ADAMTSL1: variants seen among roughly 807,000 people sequenced by gnomAD.
ADAMTSL1 encodes the protein ADAMTS like 1.
ADAMTSL1 carries 126 observed loss-of-function variants against 201.8 expected under a neutral mutation model. The observed-to-expected ratio is 0.62, with a 90% CI of 0.54 to 0.72. The LOEUF is 0.72. ADAMTSL1 is among the 30% of genes least tolerant of loss of function. The pLI is 0.00. For synonymous variants in ADAMTSL1, 1,121 were observed against 903.4 expected (o/e 1.24, Z -4.32); for missense variants, 2,679 against 2,277.8 (o/e 1.18, Z -3.59).
At chr9:18,206,472 T>C (rs1829653034) in intron 2 of ADAMTSL1, among the ~76,000 whole-genome samples, 1 of 152,146 alleles carries the variant, frequency 6.6e-6, no homozygotes, top group Non-Finnish European at 1.5e-5. Flanking sequence ...TTGTTCTCTA[T>C]TGACTTCATT....
rs151124706 is a variant in ADAMTSL1 at position 18,296,594 on chromosome 9, T to C, written c.207+132613T>C. ...TTGCATTATATTATTCTTTAAACTT[T>C]TCTATATGTTTGAAGTTTTCAAAAT... On this transcript the variant is annotated intron_variant, in intron 2 of 29. Coordinates refer to the ADAMTSL1 transcript ENST00000680146. Among the ~76,000 whole-genome samples the C allele has an allele frequency of 1.5e-3, 222 of 152,332 alleles. 3 individuals are homozygous for C. Among genetic ancestry groups the C allele is most frequent in the Admixed American group, 0.013 (195 of 15,304 alleles).
chr9:18,230,710 T>C (rs938767324), intron 2 of ADAMTSL1, among the ~76,000 whole-genome samples: 2 of 152,184 alleles, frequency 1.3e-5, no homozygotes, highest in African/African-American at 4.8e-5. Flanking sequence ...GTCTCAAACA[T>C]ACATGCATTA....
chr9:18,029,970 A>T (rs988600744), intron 1 of ADAMTSL1, among the ~76,000 whole-genome samples: 1 of 151,734 alleles, frequency 6.6e-6, no homozygotes, highest in African/African-American at 2.4e-5. Context: ...TAGTTCAACC[A>T]TTGTGGAAGT....
chr9:18,880,350 G>A (rs899736314), intron 23 of ADAMTSL1, among the ~76,000 whole-genome samples: 2 of 152,132 alleles, frequency 1.3e-5, no homozygotes, highest in Non-Finnish European at 2.9e-5. Context: ...ATCCATGGCA[G>A]CTATAGCATT....
chr9:18,099,355 A>ATATATATATATATTT (rs1239180390), intron 1 of ADAMTSL1, among the ~76,000 whole-genome samples: 24 of 45,534 alleles, frequency 5.3e-4, no homozygotes, highest in Admixed American at 9.8e-4. Flanking sequence ...ATATATATAT[A>ATATATATATATATTT]TTTTTTTTTT....
intron 3 of ADAMTSL1, among the ~76,000 whole-genome samples, chr9:18,564,685 G>C (rs892035268): frequency 2.0e-5 from 3 of 152,076 alleles, no homozygotes; most frequent in African/African-American, 7.2e-5. Context: ...TGTTACAAAA[G>C]GATTATGAAT....
intron 3 of ADAMTSL1, among the ~76,000 whole-genome samples, chr9:18,566,227 A>C (rs80108761): frequency 0.012 from 1,888 of 152,332 alleles, 16 homozygotes; most frequent in Non-Finnish European, 0.022. Flanking sequence ...TTATGAAAGC[A>C]GCACTGGAGT....
In ADAMTSL1 at chr9:18,753,312, A is replaced by C. The variant is rs1819564431; in HGVS notation, c.2021A>C (p.Lys674Thr). 4 of 1,611,490 alleles carry C rather than the reference A, an allele frequency of 2.5e-6. No individual in the cohort carries two copies. The highest frequency in any genetic ancestry group is 1.3e-5 in the African/African-American group (1 of 74,880). ...DPCPARWEIG[K>T]WSPCSLTCGV... ...TTTCTTCTCAGGTGGGAAATTGGCA[A>C]GTGGAGTCCATGTAGTCTCACATGT... Residue 674 changes from lysine to threonine, a missense_variant, in exon 16 of 29, where the codon AAG (lysine) becomes ACG (threonine). Transcript: ENST00000380548.
intron 23 of ADAMTSL1, among the ~76,000 whole-genome samples, chr9:18,842,030 T>C (rs1294132078): frequency 1.3e-5 from 2 of 151,436 alleles, no homozygotes; most frequent in Non-Finnish European, 3.0e-5. Flanking sequence ...TTTGTGTCTC[T>C]ATTTCCTTCA....
intron 2 of ADAMTSL1, among the ~76,000 whole-genome samples, chr9:18,405,663 GC>G (rs1460904551): frequency 5.9e-5 from 9 of 151,886 alleles, no homozygotes; most frequent in Admixed American, 2.6e-4. Context: ...CTTACCTTGG[GC>G]TCAAGTTAAT....
intron 2 of ADAMTSL1, among the ~76,000 whole-genome samples, chr9:18,203,434 C>G (rs1286494062): frequency 6.6e-6 from 1 of 151,480 alleles, no homozygotes; most frequent in Admixed American, 6.6e-5. Flanking sequence ...AATACAGGGT[C>G]TATGTAATAG....
At chr9:18,554,445 A>G (rs566642995) in intron 3 of ADAMTSL1, among the ~76,000 whole-genome samples, 1 of 151,914 alleles carries the variant, frequency 6.6e-6, no homozygotes, top group Admixed American at 6.6e-5. Context: ...ACTTCCTGGA[A>G]TAATTTACGT....
At chr9:18,476,413 A>G (rs1821453828) in intron 1 of ADAMTSL1, among the ~76,000 whole-genome samples, 1 of 152,194 alleles carries the variant, frequency 6.6e-6, no homozygotes, top group African/African-American at 2.4e-5. Flanking sequence ...ACAGTGGTGC[A>G]GGTTGGTCTG....
chr9:18,348,013 A>T (rs992866939), intron 2 of ADAMTSL1, among the ~76,000 whole-genome samples: 2 of 152,196 alleles, frequency 1.3e-5, no homozygotes, highest in African/African-American at 2.4e-5. Context: ...TGAAAGCTTG[A>T]ATCCTGTTAA....
At chr9:18,449,175 T>C (rs186694632) in intron 2 of ADAMTSL1, among the ~76,000 whole-genome samples, 51 of 151,994 alleles carry the variant, frequency 3.4e-4, no homozygotes, top group Admixed American at 3.0e-3. Flanking sequence ...TGAAATAGCA[T>C]AAATTCTTTG....
At chr9:18,461,401 A>T (rs1176892990) in intron 2 of ADAMTSL1, among the ~76,000 whole-genome samples, 1 of 152,052 alleles carries the variant, frequency 6.6e-6, no homozygotes, top group African/African-American at 2.4e-5. Context: ...TGGTTTACAC[A>T]TGTTTGAAAT....
At chr9:18,877,198 C>T (rs1828217534) in intron 23 of ADAMTSL1, among the ~76,000 whole-genome samples, 1 of 152,098 alleles carries the variant, frequency 6.6e-6, no homozygotes, top group Non-Finnish European at 1.5e-5. Context: ...TCTGGTGCCT[C>T]CTTGAGTAAC....
At position 18,176,448 on chromosome 9, in the gene ADAMTSL1, A is replaced by G. The variant is rs558941898; in HGVS notation, c.207+12467A>G. 7.2e-5 allele frequency among the ~76,000 whole-genome samples: 11 copies of G among 152,318 alleles called. No homozygotes were observed. The South Asian group carries it at 2.3e-3, about 32-fold the overall frequency. On this transcript the variant is annotated intron_variant, in intron 2 of 29. Coordinates refer to the ADAMTSL1 transcript ENST00000680146. The stretch of plus-strand genomic sequence containing the variant: ...ATAATAATAATTATAGTTATTGACT[A>G]TCATGATAGTAACTGTCATTTATTA...
intron 1 of ADAMTSL1, among the ~76,000 whole-genome samples, chr9:18,001,234 A>G (rs1367345730): frequency 6.6e-6 from 1 of 152,110 alleles, no homozygotes; most frequent in Non-Finnish European, 1.5e-5. Flanking sequence ...TAAGATTGCA[A>G]TAATAAGCCC....
Sources: gnomAD v4.1 joint callset for allele counts (sites outside exome capture counted in the v4.1 genomes callset) on GRCh38, gnomAD v4.1.1 for gene constraint, MANE v1.5 for transcripts, NCBI Gene and HGNC (gene_info 2026-07-23, HGNC 2026-07-21) for gene names.